RMDN1: variants seen among roughly 807,000 people sequenced by gnomAD.
The protein encoded by RMDN1 is regulator of microtubule dynamics protein 1.
A neutral mutation model predicts 48.9 loss-of-function variants in RMDN1; 48 were observed. The ratio of observed to expected loss-of-function variants is 0.98; its 90% confidence interval spans 0.78 to 1.25. The LOEUF (loss-of-function observed/expected upper bound fraction) is 1.25, where lower values mean the gene tolerates loss of function less well. RMDN1 is among the 50% of genes most tolerant of loss of function. The pLI, the probability that RMDN1 is intolerant of heterozygous loss-of-function variation, is 0.00. For synonymous variants in RMDN1, 148 were observed against 132.6 expected (o/e 1.12, Z -0.80); for missense variants, 418 against 373.4 (o/e 1.12, Z -0.98).
In RMDN1 at chr8:86,504,295, G is replaced by C. The variant is rs946557449; in HGVS notation, c.247+2700C>G. On this transcript the variant is annotated intron_variant, in intron 2 of 9. Coordinates refer to ENST00000406452, the MANE Select transcript of RMDN1 (RefSeq NM_016033.3). Reference sequence around the variant, plus strand: ...GTGGGGCACCCAGGATGTATCCCAAGACAACCAGGAGATGCAAGATGAGAG... The same window carrying C: ...GTGGGGCACCCAGGATGTATCCCAACACAACCAGGAGATGCAAGATGAGAG... 6.5e-5 allele frequency: 103 copies of C among 1,577,472 alleles called. 1 individual carries two copies. The Admixed American group carries it at 1.7e-3, about 26-fold the overall frequency.
chr8:86,470,213 C>G (rs1812423228), downstream of RMDN1: 4 of 1,289,284 alleles, frequency 3.1e-6, no homozygotes, highest in Non-Finnish European at 4.0e-6. Context: ...GTACTACCAA[C>G]TTACTTTGAT....
chr8:86,504,698 T>C, intron 2 of RMDN1: 2 of 899,154 alleles, frequency 2.2e-6, no homozygotes, highest in Non-Finnish European at 3.8e-6. Flanking sequence ...TCTTGGTCTT[T>C]GTGGCCTTTG....
At chr8:86,505,003 G>C (rs1323225487) in intron 2 of RMDN1, 1 of 1,476,334 alleles carries the variant, frequency 6.8e-7, no homozygotes. Flanking sequence ...GATAGATCTG[G>C]GAAGGATGGC....
upstream of RMDN1, chr8:86,514,346 T>A (rs1465349944): frequency 3.8e-6 from 3 of 787,524 alleles, no homozygotes; most frequent in South Asian, 5.8e-5. Context: ...GTCAGCTCCC[T>A]GCGGATGGGC....
At chr8:86,498,529 A>G (rs578015423) in intron 2 of RMDN1, among the ~76,000 whole-genome samples, 1 of 152,160 alleles carries the variant, frequency 6.6e-6, no homozygotes, top group Non-Finnish European at 1.5e-5. Context: ...CTGTAATCCC[A>G]GCACTTTGGG....
chr8:86,505,467 C>T (rs1181056587), intron 2 of RMDN1: 5 of 415,682 alleles, frequency 1.2e-5, no homozygotes, highest in Non-Finnish European at 2.0e-5. Flanking sequence ...GTGTGGAAGG[C>T]AGACGGGGTT....
intron 8 of RMDN1, 78 bp downstream of exon 8, chr8:86,477,216 A>G (rs1813526329): frequency 9.7e-7 from 1 of 1,030,154 alleles, no homozygotes; most frequent in African/African-American, 1.6e-5. Flanking sequence ...CAACTGCTTT[A>G]GACATTGCTA....
At chr8:86,475,007 T>G (rs1813131798) in intron 8 of RMDN1, 54 bp from the exon 9 acceptor site, 2 of 1,488,410 alleles carry the variant, frequency 1.3e-6, no homozygotes, top group East Asian at 4.7e-5. Flanking sequence ...GCTTTTATTT[T>G]TAAAGGTTTG....
At chr8:86,508,263 G>C in intron 1 of RMDN1, 1 of 458,870 alleles carries the variant, frequency 2.2e-6, no homozygotes, top group Non-Finnish European at 3.8e-6. Flanking sequence ...CAGCTTCTGG[G>C]GCGCGTGGGG....
chr8:86,480,335 A>C lies in RMDN1; in HGVS notation c.586-3T>G. 1 of 1,501,506 alleles carries C rather than the reference A, an allele frequency of 6.7e-7. No individual in the cohort carries two copies. The highest frequency in any genetic ancestry group is 9.1e-7 in the Non-Finnish European group (1 of 1,101,742). 93.0% of individuals were successfully genotyped at this position (1,501,506 alleles called of 1,614,324 possible). A position where few individuals can be genotyped will look rare whatever the true frequency, so the allele number is the denominator to read the frequency against. On this transcript the variant is annotated splice_region_variant and splice_polypyrimidine_tract_variant and intron_variant, in intron 5 of 9. Coordinates refer to ENST00000406452, the MANE Select transcript of RMDN1 (RefSeq NM_016033.3). The stretch of plus-strand genomic sequence containing the variant: ...TTAGGGTTCAGTTCAATTGCTTTCT[A>C]ACAAGAAATGAGAAAAATAAATCAT...
In RMDN1 at chr8:86,474,959, C is replaced by A. The variant is rs1398507515; in HGVS notation, c.761-6G>T. The A allele has an allele frequency of 3.2e-6, 5 of 1,581,846 alleles. No homozygotes were observed. In the Admixed American group the frequency reaches 6.0e-5, roughly 19 times the overall value. On this transcript the variant is annotated splice_region_variant and splice_polypyrimidine_tract_variant and intron_variant, in intron 8 of 9. Transcript: ENST00000406452. Reference sequence around the variant, plus strand: ...GCTGTAGAAGTTTGGATCCACTGCACATAAGAAAGAAAAAATGATCTCAGA... The same window carrying A: ...GCTGTAGAAGTTTGGATCCACTGCAAATAAGAAAGAAAAAATGATCTCAGA...
In RMDN1 at chr8:86,473,928, A is replaced by C. The variant is rs113502404; in HGVS notation, c.*380T>G. On this transcript the variant is annotated 3_prime_UTR_variant, in exon 10 of 10. Coordinates refer to ENST00000406452, the MANE Select transcript of RMDN1 (RefSeq NM_016033.3). ...CCTTCTCTTCAAGATTTCAACTTAG[A>C]ATCAATCCAATTTGAAAATCCATCC... 2 of 1,009,338 alleles carry C rather than the reference A, an allele frequency of 2.0e-6. No homozygotes were observed. The highest frequency in any genetic ancestry group is 1.7e-5 in the African/African-American group (1 of 57,768). 62.5% of individuals were successfully genotyped at this position (1,009,338 alleles called of 1,614,324 possible). A position where few individuals can be genotyped will look rare whatever the true frequency, so the allele number is the denominator to read the frequency against.
intron 2 of RMDN1, chr8:86,504,913 C>T: frequency 8.6e-7 from 1 of 1,160,818 alleles, no homozygotes; most frequent in South Asian, 1.2e-5. Context: ...TTGACCTTTA[C>T]CTTCTTCAAA....
intron 6 of RMDN1, 111 bp from the exon 7 acceptor site, chr8:86,479,121 A>G (rs992401486): frequency 3.2e-5 from 24 of 756,820 alleles, no homozygotes; most frequent in Non-Finnish European, 4.4e-6. Flanking sequence ...TGTTTAAACA[A>G]CTTGTGCTTT....
rs1446332863 is a variant in RMDN1 at position 86,506,978 on chromosome 8, A to AT, written c.247+16dup. 2.9e-6 allele frequency: 4 copies of AT among 1,360,788 alleles called. No individual in the cohort carries two copies. Among genetic ancestry groups the AT allele is most frequent in the African/African-American group, 1.4e-5 (1 of 69,048 alleles). The allele number at this position is 1,360,788 out of a possible 1,614,324, so 84.3% of individuals were successfully genotyped here. Reference sequence around the variant, plus strand: ...CAAAAAAACTCTAAATGTTCCATATATCTAATTTATGCTTACCTTTGGCTG... The same window carrying AT: ...CAAAAAAACTCTAAATGTTCCATATATTCTAATTTATGCTTACCTTTGGCTG... On this transcript the variant is annotated intron_variant, in intron 2 of 9. Coordinates refer to ENST00000406452, the MANE Select transcript of RMDN1 (RefSeq NM_016033.3).
chr8:86,472,494 T>C lies in RMDN1; in HGVS notation c.*1814A>G. 1 of 702,422 alleles carries C rather than the reference T, an allele frequency of 1.4e-6. No homozygotes were observed. The highest frequency in any genetic ancestry group is 2.6e-6 in the Non-Finnish European group (1 of 384,946). The allele number at this position is 702,422 out of a possible 1,614,324, so 43.5% of individuals were successfully genotyped here. On this transcript the variant is annotated 3_prime_UTR_variant, in exon 10 of 10. Transcript: ENST00000406452. ...TTTCTCTTCACCTACAAAAATAAAATTACAGTATACAATAACCTTTTAAAA... is the reference window on the plus strand; with the variant it reads ...TTTCTCTTCACCTACAAAAATAAAACTACAGTATACAATAACCTTTTAAAA...
intron 2 of RMDN1, among the ~76,000 whole-genome samples, chr8:86,505,875 A>G (rs1457445309): frequency 7.5e-6 from 1 of 133,940 alleles, no homozygotes; most frequent in Non-Finnish European, 1.7e-5. Context: ...GGAAACTCTT[A>G]ATTTCCCATA....
chr8:86,503,375 A>AAACAAAC (rs1554594041), intron 2 of RMDN1, among the ~76,000 whole-genome samples: 4 of 87,180 alleles, frequency 4.6e-5, no homozygotes, highest in African/African-American at 3.1e-4. Context: ...ACAAAACAAA[A>AAACAAAC]AAAAAAAAAA....
At position 86,477,297 on chromosome 8, in the gene RMDN1, G is replaced by C. The variant is rs1039971873; in HGVS notation, c.757C>G (p.Gln253Glu). Residue 253 changes from glutamine (Q) to glutamate (E), a missense_variant, in exon 8 of 10, where the codon CAA becomes GAA. Transcript: ENST00000406452. Reference protein sequence around the residue: ...KALGYFHRAEQVDPNFYSKNL... With the variant: ...KALGYFHRAEEVDPNFYSKNL... ...TGTGTAATCAAAAATACCTTACCTT[G>C]TTCTGCCCTGTGAAAGTAGCCTAAG... The C allele has an allele frequency of 6.2e-7, 1 of 1,600,778 alleles. No individual in the cohort carries two copies. The highest frequency in any genetic ancestry group is 8.5e-7 in the Non-Finnish European group (1 of 1,173,002).
Sources: gnomAD v4.1 joint callset for allele counts (sites outside exome capture counted in the v4.1 genomes callset) on GRCh38, gnomAD v4.1.1 for gene constraint, MANE v1.5 for transcripts, NCBI Gene and HGNC (gene_info 2026-07-23, HGNC 2026-07-21) for gene names.